The following RANBP2 variants were observed in gnomAD, a reference collection of about 807,000 sequenced individuals.
The protein encoded by RANBP2 is E3 SUMO-protein ligase RanBP2.
Under a neutral mutation model 303.6 loss-of-function variants are expected in RANBP2, and 57 were observed. That is an observed-to-expected ratio of 0.19 (90% CI 0.15 to 0.23). The LOEUF (loss-of-function observed/expected upper bound fraction) is 0.23. RANBP2 is among the 10% of genes least tolerant of loss of function. The pLI is 1.00. For missense variants in RANBP2, 3,138 were observed against 3,780.8 expected (o/e 0.83, Z 4.46); for synonymous variants, 1,167 against 1,301.5 (o/e 0.90, Z 2.23).
At chr2:109,694,592 G>T in the RANBP2 span, among the ~76,000 whole-genome samples, 1 of 152,138 alleles carries the variant, frequency 6.6e-6, no homozygotes, top group Non-Finnish European at 1.5e-5. Flanking sequence ...TTCAAATAAG[G>T]TATAATAGGC....
chr2:109,168,590 AGACT>A, the RANBP2 span, among the ~76,000 whole-genome samples: 2 of 152,234 alleles, frequency 1.3e-5, no homozygotes, highest in African/African-American at 4.8e-5. Context: ...AATGTTGCCC[AGACT>A]GACTGATCTG....
chr2:108,793,063 A>G, the RANBP2 span, among the ~76,000 whole-genome samples: 1 of 145,714 alleles, frequency 6.9e-6, no homozygotes, highest in African/African-American at 2.5e-5. Context: ...CTCTGTCTCA[A>G]AAAAAAAAGC....
At chr2:109,117,615 A>T in the RANBP2 span, among the ~76,000 whole-genome samples, 1 of 152,200 alleles carries the variant, frequency 6.6e-6, no homozygotes, top group East Asian at 1.9e-4. Flanking sequence ...GCCCTGCTTC[A>T]GCTCGCGCAC....
the RANBP2 span, among the ~76,000 whole-genome samples, chr2:109,402,371 G>T: frequency 1.3e-5 from 2 of 152,274 alleles, no homozygotes; most frequent in African/African-American, 4.8e-5. Flanking sequence ...CCAGGCCCAG[G>T]ATTCTGTGGT....
chr2:109,400,653 G>A, the RANBP2 span, among the ~76,000 whole-genome samples: 2 of 151,728 alleles, frequency 1.3e-5, no homozygotes, highest in African/African-American at 2.4e-5. Context: ...CACACATGTA[G>A]ACATTTATAC....
chr2:109,667,896 A>AG, the RANBP2 span: 1 of 152,278 alleles, frequency 6.6e-6, no homozygotes, highest in Middle Eastern at 1.8e-3. Context: ...GCAGAAGGAG[A>AG]AGCTGAAGCA....
chr2:108,905,423 A>T, the RANBP2 span, among the ~76,000 whole-genome samples: 1 of 151,086 alleles, frequency 6.6e-6, no homozygotes, highest in Non-Finnish European at 1.5e-5. Flanking sequence ...GCAGCCAAGA[A>T]TTCTTGGCCC....
At chr2:109,572,669 T>C in the RANBP2 span, among the ~76,000 whole-genome samples, 3 of 142,714 alleles carry the variant, frequency 2.1e-5, no homozygotes, top group Middle Eastern at 3.7e-3. Flanking sequence ...CAGGCTGGAG[T>C]GCAGTGGTGC....
At chr2:109,634,154 A>AAAAGATAC in the RANBP2 span, among the ~76,000 whole-genome samples, 3 of 151,360 alleles carry the variant, frequency 2.0e-5, no homozygotes, top group Non-Finnish European at 2.9e-5. Flanking sequence ...AAAGAAAAGA[A>AAAAGATAC]AAAGATACAA....
chr2:108,991,706 G>A, the RANBP2 span, among the ~76,000 whole-genome samples: 2 of 152,166 alleles, frequency 1.3e-5, no homozygotes, highest in Non-Finnish European at 1.5e-5. Flanking sequence ...TCCCATCCCT[G>A]TAAAAAACAC....
the RANBP2 span, chr2:109,543,378 A>C: frequency 1.3e-5 from 2 of 152,192 alleles, no homozygotes; most frequent in African/African-American, 4.8e-5. Context: ...TTTAACTTTT[A>C]AAGATATTTT....
chr2:109,030,612 G>A, the RANBP2 span, among the ~76,000 whole-genome samples: 296 of 152,328 alleles, frequency 1.9e-3, 3 homozygotes, highest in African/African-American at 7.0e-3. Flanking sequence ...AGGCTGTTAA[G>A]CAGAAGGCTC....
the RANBP2 span, among the ~76,000 whole-genome samples, chr2:108,943,916 T>A: frequency 6.6e-6 from 1 of 152,342 alleles, no homozygotes; most frequent in South Asian, 2.1e-4. Flanking sequence ...TCAGTTACGT[T>A]GCTTCCAAAA....
chr2:109,444,396 G>A, the RANBP2 span, among the ~76,000 whole-genome samples: 1 of 152,228 alleles, frequency 6.6e-6, no homozygotes, highest in African/African-American at 2.4e-5. Context: ...ACTGGCTGTA[G>A]GATAAAAAGC....
At chr2:109,604,552 C>T in the RANBP2 span, among the ~76,000 whole-genome samples, 2 of 151,088 alleles carry the variant, frequency 1.3e-5, no homozygotes, top group African/African-American at 4.9e-5. Context: ...ATGGTGAAAC[C>T]CTGTCTCCAG....
the RANBP2 span, among the ~76,000 whole-genome samples, chr2:109,581,928 A>G: frequency 6.6e-6 from 1 of 152,342 alleles, no homozygotes; most frequent in Non-Finnish European, 1.5e-5. Flanking sequence ...ACAACTCTAA[A>G]GACTCCGCCA....
chr2:108,930,439 C>T, the RANBP2 span, among the ~76,000 whole-genome samples: 12 of 152,022 alleles, frequency 7.9e-5, no homozygotes, highest in South Asian at 2.1e-4. Context: ...CACCTGGGCA[C>T]GGCCAGCCCC....
At chr2:109,670,760 T>G in the RANBP2 span, among the ~76,000 whole-genome samples, 1 of 152,012 alleles carries the variant, frequency 6.6e-6, no homozygotes, top group African/African-American at 2.4e-5. Flanking sequence ...AGAGACAGCC[T>G]GGGATCTCTG....
At chr2:109,544,448 A>G in the RANBP2 span, 197 of 1,396,178 alleles carry the variant, frequency 1.4e-4, no homozygotes, top group Non-Finnish European at 1.8e-4. Flanking sequence ...AAAAGAAAAA[A>G]CCAAAAACAC....
Sources: allele counts gnomAD v4.1 joint callset (sites outside exome capture counted in the v4.1 genomes callset), GRCh38; gene constraint gnomAD v4.1.1; transcripts MANE v1.5; gene names NCBI Gene and HGNC (gene_info 2026-07-23, HGNC 2026-07-21).